Variants in NPC1L1 observed in about 807,000 individuals in gnomAD.
NPC1L1 encodes the protein NPC1-like intracellular cholesterol transporter 1.
A neutral mutation model predicts 117.0 loss-of-function variants in NPC1L1; 98 were observed. The ratio of observed to expected loss-of-function variants is 0.84; its 90% confidence interval spans 0.71 to 0.99. The LOEUF (loss-of-function observed/expected upper bound fraction) is 0.99. Among genes scored for constraint, NPC1L1 ranks in the 50% least tolerant of loss-of-function variants. The pLI, the probability that NPC1L1 is intolerant of heterozygous loss-of-function variation, is 0.00. For missense variants in NPC1L1, 1,540 were observed against 1,710.0 expected, an observed-to-expected ratio of 0.90 and a Z score of 1.75; for synonymous variants, 729 against 727.6, an observed-to-expected ratio of 1.00 and a Z score of -0.03.
intron 10 of NPC1L1, among the ~76,000 whole-genome samples, chr7:44,527,372 G>A (rs556899823): frequency 1.7e-4 from 25 of 146,076 alleles, no homozygotes; most frequent in South Asian, 8.8e-4. Context: ...CAGGAGAATC[G>A]CTTGAACTCG....
intron 14 of NPC1L1, among the ~76,000 whole-genome samples, chr7:44,520,250 A>G (rs1441504366): frequency 6.6e-6 from 1 of 151,932 alleles, no homozygotes; most frequent in Non-Finnish European, 1.5e-5. Context: ...ACTGCACTCC[A>G]GCCTGGGCAA....
rs144185806 is a variant in NPC1L1, at chr7:44,522,186, G to A, written c.2694C>T (p.Ala898=). ...CCAAGGTGGTAACAAAGTACACCGG[G>A]GCCCCCACCTCGAAGTAGCGGTTCA... ...LFLNRYFEVG[A]PVYFVTTLGY... is the part of the protein sequence containing the mutation. Residue 898 remains alanine (A), a synonymous_variant, in exon 11 of 19, where the codon GCC becomes GCT. Transcript: ENST00000381160. 21 of 1,613,842 alleles carry A rather than the reference G, an allele frequency of 1.3e-5. No homozygotes were observed. Among genetic ancestry groups the A allele is most frequent in the Admixed American group, 1.7e-5 (1 of 59,972 alleles).
rs139671184 is a variant in NPC1L1, at chr7:44,521,518, G to A, written c.2953+194C>T. 2.4e-3 allele frequency among the ~76,000 whole-genome samples: 358 copies of A among 152,306 alleles called. 1 individual carries two copies. The highest frequency in any genetic ancestry group is 5.7e-3 in the Admixed American group (87 of 15,304). ...AGCAGTATACATGTGTGATGCCCACGGGCCAGCACGGTCACCCACACAGGT... is the reference window on the plus strand; with the variant it reads ...AGCAGTATACATGTGTGATGCCCACAGGCCAGCACGGTCACCCACACAGGT... On this transcript the variant is annotated intron_variant, in intron 12 of 18. Coordinates refer to ENST00000381160, the MANE Select transcript of NPC1L1 (RefSeq NM_001101648.2).
At chr7:44,527,471 A>C (rs961620382) in intron 10 of NPC1L1, among the ~76,000 whole-genome samples, 12 of 146,558 alleles carry the variant, frequency 8.2e-5, no homozygotes, top group East Asian at 3.9e-4. Flanking sequence ...CAAAAAAAAA[A>C]AAAAAAAAAA....
At position 44,534,421 on chromosome 7, in the gene NPC1L1, G is replaced by A. The variant is rs2117065459; in HGVS notation, c.2166+26C>T. 2 of 1,612,668 alleles carry A rather than the reference G, an allele frequency of 1.2e-6. No individual in the cohort carries two copies. The highest frequency in any genetic ancestry group is 1.7e-6 in the Non-Finnish European group (2 of 1,178,730). The stretch of plus-strand genomic sequence containing the variant: ...GTTGGGAGAAGAGTGGGCAGTTGGG[G>A]GTGTGGAGAGCTCCTCCCTTCTTAC... On this transcript the variant is annotated intron_variant, in intron 6 of 18. Coordinates refer to ENST00000381160, the MANE Select transcript of NPC1L1 (RefSeq NM_001101648.2). The surrounding 1 kb of genome is among the most constrained non-coding windows in gnomAD (Gnocchi z 5.2).
In NPC1L1 at chr7:44,536,960, C is replaced by A; in HGVS notation, c.1581-18G>T. On this transcript the variant is annotated intron_variant, in intron 2 of 18. Coordinates refer to ENST00000381160, the MANE Select transcript of NPC1L1 (RefSeq NM_001101648.2). This position sits in a 1 kb window ranked among gnomAD's most constrained non-coding sequence, Gnocchi z 4.7. The stretch of plus-strand genomic sequence containing the variant: ...GCGGGGCACTAGAGGGAGATGACCG[C>A]AAAGGGAAAGGGCCTTTCCTGGCCC... 6.2e-7 allele frequency: 1 copy of A among 1,609,500 alleles called. No homozygotes were observed. The highest frequency in any genetic ancestry group is 8.5e-7 in the Non-Finnish European group (1 of 1,176,728).
At position 44,532,281 on chromosome 7, in the gene NPC1L1, T is replaced by G. The variant is rs1233782166; in HGVS notation, c.2410-64A>C. On this transcript the variant is annotated intron_variant, in intron 8 of 18. Transcript: ENST00000381160. ...AGACAAGGCCCCAGGGACCACCTTCTTGCCCCCAGGGAGTGTCACCTTCTG... is the reference window on the plus strand; with the variant it reads ...AGACAAGGCCCCAGGGACCACCTTCGTGCCCCCAGGGAGTGTCACCTTCTG... 1.9e-6 allele frequency: 3 copies of G among 1,606,180 alleles called. No homozygotes were observed. The Middle Eastern group carries it at 6.3e-4, about 335-fold the overall frequency.
At chr7:44,533,276 G>A in intron 8 of NPC1L1, 155 bp downstream of exon 8, 2 of 829,072 alleles carry the variant, frequency 2.4e-6, no homozygotes, top group African/African-American at 1.7e-5. Context: ...TAGGAAATTG[G>A]AGAATACATG....
chr7:44,533,877 G>A lies in NPC1L1; in HGVS notation c.2167-24C>T, dbSNP rs370818233. The A allele has an allele frequency of 7.6e-6, 12 of 1,585,286 alleles. No individual in the cohort carries two copies. The African/African-American group carries it at 9.4e-5, about 12-fold the overall frequency. ...CTCTGTGTGGGAACAGCAGGGATAA[G>A]AGCCAGGGCCCTCCAAGGGCACCGC... On this transcript the variant is annotated intron_variant, in intron 6 of 18. Transcript: ENST00000381160.
At chr7:44,514,551 C>G (rs1304399757) in intron 18 of NPC1L1, among the ~76,000 whole-genome samples, 4 of 151,934 alleles carry the variant, frequency 2.6e-5, no homozygotes, top group Admixed American at 6.6e-5. Context: ...CACCGATATC[C>G]CAGCTACTCG....
chr7:44,533,905 C>T (rs1801782924), intron 6 of NPC1L1, 52 bp from the exon 7 acceptor site: 1 of 1,481,950 alleles, frequency 6.7e-7, no homozygotes, highest in African/African-American at 1.4e-5. Flanking sequence ...GGCACCGCCC[C>T]TCAAAGGCCA....
At chr7:44,523,308 G>A (rs745535983) in intron 10 of NPC1L1, among the ~76,000 whole-genome samples, 1 of 152,054 alleles carries the variant, frequency 6.6e-6, no homozygotes, top group East Asian at 1.9e-4. Context: ...CACCCGTCTC[G>A]GCCTCCCAAA....
At chr7:44,541,142 C>T (rs547649387) in intron 1 of NPC1L1, 64 bp downstream of exon 1, 74 of 1,515,398 alleles carry the variant, frequency 4.9e-5, no homozygotes, top group African/African-American at 6.9e-5. Context: ...GCCTGGTACA[C>T]GGCTGGCCCC....
chr7:44,518,926 TTTC>T (rs1256496949), intron 14 of NPC1L1, among the ~76,000 whole-genome samples: 1 of 151,894 alleles, frequency 6.6e-6, no homozygotes, highest in East Asian at 1.9e-4. Flanking sequence ...AGAACTTGCG[TTTC>T]TTCTTTTTCT....
At chr7:44,527,884 GTACGATCC>G in intron 10 of NPC1L1, among the ~76,000 whole-genome samples, 1 of 152,266 alleles carries the variant, frequency 6.6e-6, no homozygotes, top group South Asian at 2.1e-4. Context: ...GAGTACAGTG[GTACGATCC>G]CAGCTCACTG....
chr7:44,514,405 C>T (rs1004788623), intron 18 of NPC1L1, among the ~76,000 whole-genome samples: 6 of 152,346 alleles, frequency 3.9e-5, no homozygotes, highest in East Asian at 3.9e-4. Flanking sequence ...CGGTGGCCCA[C>T]GCCTGTAATC....
chr7:44,528,556 A>C (rs1050290393), intron 10 of NPC1L1, among the ~76,000 whole-genome samples: 7 of 152,234 alleles, frequency 4.6e-5, no homozygotes, highest in Non-Finnish European at 7.3e-5. Flanking sequence ...GGTAATCACA[A>C]ATAAAATTAG....
intron 8 of NPC1L1, among the ~76,000 whole-genome samples, chr7:44,532,956 TAGCC>T (rs778590533): frequency 1.3e-5 from 2 of 151,996 alleles, no homozygotes; most frequent in African/African-American, 2.4e-5. Flanking sequence ...ACACAAAAAT[TAGCC>T]AGGCGTGCAG....
chr7:44,531,646 A>C (rs956242161), intron 10 of NPC1L1, 109 bp downstream of exon 10: 1 of 909,396 alleles, frequency 1.1e-6, no homozygotes, highest in East Asian at 2.6e-5. Flanking sequence ...ACAATTCTGC[A>C]CCTCTGGCCA....
Sources: allele counts gnomAD v4.1 joint callset (sites outside exome capture counted in the v4.1 genomes callset), GRCh38; gene constraint gnomAD v4.1.1; non-coding constraint Gnocchi (gnomAD v3.1); transcripts MANE v1.5; gene names NCBI Gene and HGNC (gene_info 2026-07-23, HGNC 2026-07-21).